Variants in ICA1L observed in about 807,000 individuals in gnomAD.
ICA1L encodes the protein islet cell autoantigen 1 like, also known as islet cell autoantigen 1-like protein.
A neutral mutation model predicts 61.3 loss-of-function variants in ICA1L; 50 were observed. The observed-to-expected ratio is 0.82, with a 90% confidence interval of 0.65 to 1.03. ICA1L has a LOEUF of 1.03. Among genes scored for constraint, ICA1L ranks in the 50% least tolerant of loss-of-function variants. The pLI is 0.00. For synonymous variants in ICA1L, 161 were observed against 191.3 expected (o/e 0.84, Z 1.31); for missense variants, 508 against 556.7 (o/e 0.91, Z 0.88).
In ICA1L at chr2:202,773,212, A is replaced by G. The variant is rs56253233; in HGVS notation, c.*6321T>C. ...AATATAAGCATTTAATGTCAAAGAA[A>G]TGAAGGTAATTTTACAAACTAAATT... On this transcript the variant is annotated 3_prime_UTR_variant, in exon 13 of 13. Coordinates refer to ENST00000358299, the MANE Select transcript of ICA1L (RefSeq NM_001288622.3). 6.6e-6 allele frequency: 1 copy of G among 152,250 alleles called. No homozygotes were observed. Among genetic ancestry groups the G allele is most frequent in the East Asian group, 1.9e-4 (1 of 5,202 alleles). 9.4% of individuals were successfully genotyped at this position (152,250 alleles called of 1,614,324 possible).
chr2:202,864,950 G>T (rs1687446249), intron 1 of ICA1L, among the ~76,000 whole-genome samples: 1 of 151,890 alleles, frequency 6.6e-6, no homozygotes, highest in Admixed American at 6.6e-5. Flanking sequence ...CATCACCTGA[G>T]GTCAGGGGTT....
In ICA1L at chr2:202,774,978, C is replaced by T. The variant is rs946704866; in HGVS notation, c.*4555G>A. The T allele has an allele frequency of 6.6e-6, 1 of 152,172 alleles. No homozygotes were observed. The highest frequency in any genetic ancestry group is 1.5e-5 in the Non-Finnish European group (1 of 68,032). 9.4% of individuals were successfully genotyped at this position (152,172 alleles called of 1,614,324 possible). A position where few individuals can be genotyped will look rare whatever the true frequency, so the allele number is the denominator to read the frequency against. On this transcript the variant is annotated 3_prime_UTR_variant, in exon 13 of 13. Coordinates refer to ENST00000358299, the MANE Select transcript of ICA1L (RefSeq NM_001288622.3). ...TAATTTACACCACTGAGTGAAGAAC[C>T]ATGTTTTGACTTTAAATGCCAAGGA...
intron 9 of ICA1L, among the ~76,000 whole-genome samples, chr2:202,811,149 GT>G (rs1693365630): frequency 6.6e-6 from 1 of 152,026 alleles, no homozygotes; most frequent in Non-Finnish European, 1.5e-5. Context: ...AAACTTGCTG[GT>G]TTTGCGGCTT....
intron 9 of ICA1L, among the ~76,000 whole-genome samples, chr2:202,799,620 T>G (rs1693034648): frequency 6.6e-6 from 1 of 152,194 alleles, no homozygotes; most frequent in South Asian, 2.1e-4. Flanking sequence ...TTAGTTTAAT[T>G]AAGTCCCTTT....
chr2:202,820,361 C>T (rs1301932592), intron 4 of ICA1L, among the ~76,000 whole-genome samples: 28 of 148,906 alleles, frequency 1.9e-4, no homozygotes, highest in South Asian at 6.4e-4. Context: ...GGCGACAGAG[C>T]GAAACTCCAT....
At chr2:202,855,983 G>A (rs893763743) in intron 1 of ICA1L, among the ~76,000 whole-genome samples, 3 of 148,892 alleles carry the variant, frequency 2.0e-5, no homozygotes, top group African/African-American at 7.4e-5. Flanking sequence ...CTGAGGCAGA[G>A]AACTGGTTGA....
intron 10 of ICA1L, among the ~76,000 whole-genome samples, chr2:202,795,926 C>T (rs1692913246): frequency 6.6e-6 from 1 of 151,932 alleles, no homozygotes. Flanking sequence ...GCCTGTAATC[C>T]CGGCTATTTG....
At chr2:202,863,732 C>A (rs1687362539) in intron 1 of ICA1L, among the ~76,000 whole-genome samples, 1 of 150,330 alleles carries the variant, frequency 6.7e-6, no homozygotes, top group African/African-American at 2.5e-5. Flanking sequence ...GAGGCTGAGG[C>A]AGGAGAATGG....
At chr2:202,825,021 A>G (rs4675295) in intron 3 of ICA1L, among the ~76,000 whole-genome samples, 17,120 of 152,278 alleles carry the variant, frequency 0.11, 1,724 homozygotes, top group East Asian at 0.53. Flanking sequence ...TGGAGTGAGT[A>G]CAAGAGAAAT....
At chr2:202,787,065 G>C (rs1374789790) in intron 11 of ICA1L, among the ~76,000 whole-genome samples, 1 of 152,138 alleles carries the variant, frequency 6.6e-6, no homozygotes, top group Non-Finnish European at 1.5e-5. Flanking sequence ...CCCTTTCCTG[G>C]TCTGTACCAC....
chr2:202,774,229 C>T lies in ICA1L; in HGVS notation c.*5304G>A. The T allele has an allele frequency of 6.5e-7, 1 of 1,549,064 alleles. No individual in the cohort carries two copies. ...GCGCCGGATCGAAGGCGCGGGGCGG[C>T]TCCTGAGTCTTCTCGCTCCTGTCGG... On this transcript the variant is annotated 3_prime_UTR_variant, in exon 13 of 13. Transcript: ENST00000358299.
At chr2:202,869,183 C>G (rs1687618764) in intron 1 of ICA1L, among the ~76,000 whole-genome samples, 1 of 151,856 alleles carries the variant, frequency 6.6e-6, no homozygotes, top group African/African-American at 2.4e-5. Flanking sequence ...CAGGTGAAAC[C>G]CCGACTCTAC....
rs1694929927 is a variant in ICA1L, at chr2:202,861,940, TTTTTTTTTTTTTTTTTGAGCAACAC to T, written c.-8+9654_-8+9678del. Reference sequence around the variant, plus strand: ...TGAAAGTTTTAAGCAAGCCTCCGCCTTTTTTTTTTTTTTTTTGAGCAACACTTTTAACCAACTTGACCTAATTGAC... The same window carrying T: ...TGAAAGTTTTAAGCAAGCCTCCGCCTTTTTAACCAACTTGACCTAATTGAC... On this transcript the variant is annotated intron_variant, in intron 1 of 12. Coordinates refer to ENST00000358299, the MANE Select transcript of ICA1L (RefSeq NM_001288622.3). 2.3e-5 allele frequency among the ~76,000 whole-genome samples: 2 copies of T among 88,170 alleles called. 1 individual carries two copies. Among genetic ancestry groups the T allele is most frequent in the South Asian group, 5.8e-4 (2 of 3,434 alleles). The allele number at this position is 88,170 out of a possible 152,430, so 57.8% of individuals were successfully genotyped here. A position where few individuals can be genotyped will look rare whatever the true frequency, so the allele number is the denominator to read the frequency against.
chr2:202,848,746 C>T (rs1694533042), intron 1 of ICA1L, among the ~76,000 whole-genome samples: 1 of 152,074 alleles, frequency 6.6e-6, no homozygotes, highest in African/African-American at 2.4e-5. Context: ...TGTGTGTGTA[C>T]AGATATATAT....
chr2:202,833,753 T>C (rs1694073905), intron 1 of ICA1L, among the ~76,000 whole-genome samples: 1 of 152,178 alleles, frequency 6.6e-6, no homozygotes, highest in Non-Finnish European at 1.5e-5. Flanking sequence ...GTATATATAC[T>C]CAATGGAATA....
At chr2:202,783,908 G>A (rs1202814229) in intron 12 of ICA1L, among the ~76,000 whole-genome samples, 1 of 151,492 alleles carries the variant, frequency 6.6e-6, no homozygotes, top group Non-Finnish European at 1.5e-5. Context: ...ATATGATGGG[G>A]GGGTGGGGAA....
chr2:202,789,182 A>C, intron 10 of ICA1L, 95 bp from the exon 11 acceptor site: 1 of 1,008,130 alleles, frequency 9.9e-7, no homozygotes, highest in Non-Finnish European at 1.5e-6. Context: ...TTGTTTTCAT[A>C]CTGTATTAAC....
intron 8 of ICA1L, among the ~76,000 whole-genome samples, chr2:202,814,463 T>C (rs1392687182): frequency 1.3e-5 from 2 of 152,182 alleles, no homozygotes; most frequent in African/African-American, 4.8e-5. Flanking sequence ...AGGGCCACGC[T>C]CTTGAACTTC....
intron 1 of ICA1L, among the ~76,000 whole-genome samples, chr2:202,831,662 C>T (rs1421557694): frequency 6.6e-6 from 1 of 152,174 alleles, no homozygotes; most frequent in Non-Finnish European, 1.5e-5. Flanking sequence ...AGAGTAACAT[C>T]TGATTGGACA....
Sources: gnomAD v4.1 joint callset for allele counts (sites outside exome capture counted in the v4.1 genomes callset) on GRCh38, gnomAD v4.1.1 for gene constraint, MANE v1.5 for transcripts, NCBI Gene and HGNC (gene_info 2026-07-23, HGNC 2026-07-21) for gene names.